Variants in NEU3 observed in about 807,000 individuals in gnomAD.
NEU3 encodes sialidase-3.
NEU3 carries 10 observed loss-of-function variants against 11.4 expected under a neutral mutation model. That is an observed-to-expected ratio of 0.88 (90% confidence interval 0.54 to 1.49). NEU3 has a LOEUF of 1.49. NEU3 is among the 40% of genes most tolerant of loss of function. The probability of loss-of-function intolerance (pLI) is 0.00; values close to 1 mark genes in which losing one functional copy is unlikely to be tolerated. For missense variants in NEU3, 529 were observed against 581.8 expected, an observed-to-expected ratio of 0.91 and a Z score of 0.93; for synonymous variants, 212 against 228.2, an observed-to-expected ratio of 0.93 and a Z score of 0.64.
chr11:75,012,706 C>T (rs1948964104), downstream of NEU3, among the ~76,000 whole-genome samples: 2 of 152,122 alleles, frequency 1.3e-5, no homozygotes, highest in South Asian at 4.2e-4. Flanking sequence ...GCATTTTGAC[C>T]CTCTTTTCCC....
At chr11:74,981,883 A>G in the NEU3 span, among the ~76,000 whole-genome samples, 1 of 152,174 alleles carries the variant, frequency 6.6e-6, no homozygotes, top group Non-Finnish European at 1.5e-5. Flanking sequence ...GAGTCCTGAG[A>G]AAAGTCCTAC....
At chr11:74,995,165 G>A (rs1167032057) in intron 2 of NEU3, 25 of 414,366 alleles carry the variant, frequency 6.0e-5, no homozygotes, top group South Asian at 2.4e-4. Context: ...CAGTTTTGCT[G>A]ATGAGAGATC....
intron 3 of NEU3, among the ~76,000 whole-genome samples, chr11:75,018,382 G>T (rs890929529): frequency 6.6e-6 from 1 of 152,130 alleles, no homozygotes; most frequent in Non-Finnish European, 1.5e-5. Context: ...GAGTCAGTGG[G>T]CTGGGAAAGG....
At chr11:75,016,739 G>T (rs1948982920) in intron 3 of NEU3, among the ~76,000 whole-genome samples, 1 of 152,178 alleles carries the variant, frequency 6.6e-6, no homozygotes, top group South Asian at 2.1e-4. Flanking sequence ...TTATGGCATT[G>T]AAGTGACCCT....
chr11:74,983,899 T>C (rs927792077), upstream of NEU3, among the ~76,000 whole-genome samples: 7 of 152,234 alleles, frequency 4.6e-5, no homozygotes, highest in Non-Finnish European at 8.8e-5. Flanking sequence ...AGGTAGATCC[T>C]GATGGTTTAT....
At chr11:75,004,366 A>C in intron 2 of NEU3, 1 of 627,382 alleles carries the variant, frequency 1.6e-6, no homozygotes, top group Non-Finnish European at 2.8e-6. Flanking sequence ...GCTATTCTAA[A>C]GTGCTGGGAT....
rs79122131 is a variant in NEU3, at chr11:75,005,518, A to T, written c.412A>T (p.Ile138Phe). 6.2e-7 allele frequency: 1 copy of T among 1,613,944 alleles called. No homozygotes were observed. Among genetic ancestry groups the T allele is most frequent in the East Asian group, 2.2e-5 (1 of 44,868 alleles). ...GAGTGGTTGTGTGTTCCTGTTCTTC[A>T]TCTGTGTGCGGGGCCATGTCACAGA... ...QKSGCVFLFFICVRGHVTERQ... is the reference protein window; with the variant it reads ...QKSGCVFLFFFCVRGHVTERQ... Residue 138 changes from isoleucine (I) to phenylalanine (F), a missense_variant, in exon 3 of 3, where the codon ATC becomes TTC. Coordinates refer to ENST00000294064, the MANE Select transcript of NEU3 (RefSeq NM_006656.6).
At chr11:74,990,293 A>G (rs1156746477) in intron 1 of NEU3, 3 of 401,980 alleles carry the variant, frequency 7.5e-6, no homozygotes, top group African/African-American at 2.1e-5. Flanking sequence ...TGGAGCTGAG[A>G]CTTGAATCCA....
chr11:75,005,640 T>C lies in NEU3; in HGVS notation c.534T>C (p.Thr178=). The change falls in exon 3 of 3, where the codon ACT becomes ACC. Residue 178 remains threonine, a synonymous_variant. Coordinates refer to ENST00000294064, the MANE Select transcript of NEU3 (RefSeq NM_006656.6). ...CATGGAGTGAGGTGAGGGACTTGAC[T>C]GAGGAGGTCATTGGCTCAGAGCTGA... ...GCSWSEVRDL[T]EEVIGSELKH... 1 of 1,614,034 alleles carries C rather than the reference T, an allele frequency of 6.2e-7. No homozygotes were observed. Among genetic ancestry groups the C allele is most frequent in the Non-Finnish European group, 8.5e-7 (1 of 1,179,886 alleles).
In NEU3 at chr11:75,010,631, C is replaced by A. The variant is rs944526649; in HGVS notation, c.*4139C>A. The A allele has an allele frequency of 3.3e-5, 5 of 152,196 alleles. No individual in the cohort carries two copies. The highest frequency in any genetic ancestry group is 1.2e-4 in the African/African-American group (5 of 41,446). 9.4% of individuals were successfully genotyped at this position (152,196 alleles called of 1,614,324 possible). A position where few individuals can be genotyped will look rare whatever the true frequency, so the allele number is the denominator to read the frequency against. ...CCCAAGGATCACAGCCCAAAAGGCA[C>A]AGTGGGGAAAATTTATGGCCTATTC... is the stretch of plus-strand genomic sequence containing the variant. On this transcript the variant is annotated 3_prime_UTR_variant, in exon 3 of 3. Coordinates refer to ENST00000294064, the MANE Select transcript of NEU3 (RefSeq NM_006656.6).
downstream of NEU3, among the ~76,000 whole-genome samples, chr11:75,014,359 C>T (rs527627909): frequency 1.2e-4 from 19 of 152,238 alleles, no homozygotes; most frequent in South Asian, 3.7e-3. Context: ...TTTGGGACTA[C>T]AGCCAGTAAC....
chr11:74,981,570 G>C, the NEU3 span, among the ~76,000 whole-genome samples: 4 of 152,184 alleles, frequency 2.6e-5, no homozygotes, highest in African/African-American at 9.7e-5. Context: ...GCCATGGGCA[G>C]CTGGTGCAAA....
chr11:75,000,821 T>G (rs1196328914), intron 2 of NEU3, among the ~76,000 whole-genome samples: 2 of 93,180 alleles, frequency 2.1e-5, no homozygotes, highest in African/African-American at 8.5e-5. Context: ...TTATTTATTG[T>G]AGAAATGGGG....
At chr11:75,013,687 A>G (rs1948969334), downstream of NEU3, among the ~76,000 whole-genome samples, 1 of 152,212 alleles carries the variant, frequency 6.6e-6, no homozygotes, top group African/African-American at 2.4e-5. Context: ...ATATTACAGT[A>G]TAGGAAGAAG....
downstream of NEU3, among the ~76,000 whole-genome samples, chr11:75,013,596 A>C (rs1948968973): frequency 6.6e-6 from 1 of 152,144 alleles, no homozygotes; most frequent in Non-Finnish European, 1.5e-5. Context: ...TGGGTATGGA[A>C]GAGGGAAATC....
downstream of NEU3, among the ~76,000 whole-genome samples, chr11:75,012,621 T>A (rs1948963710): frequency 6.6e-6 from 1 of 152,008 alleles, no homozygotes; most frequent in African/African-American, 2.4e-5. Flanking sequence ...ATGTAATATA[T>A]CAGAAGACAG....
chr11:75,014,983 A>T (rs759634790), downstream of NEU3, among the ~76,000 whole-genome samples: 1 of 152,244 alleles, frequency 6.6e-6, no homozygotes, highest in Non-Finnish European at 1.5e-5. Context: ...TGTTCAAAAC[A>T]TGGGAGCTGC....
downstream of NEU3, among the ~76,000 whole-genome samples, chr11:75,013,041 T>A (rs1348253183): frequency 6.6e-6 from 1 of 152,198 alleles, no homozygotes; most frequent in Non-Finnish European, 1.5e-5. Context: ...TACTAAAGTT[T>A]GATAAACAGT....
downstream of NEU3, among the ~76,000 whole-genome samples, chr11:75,012,483 A>ATG (rs1948962338): frequency 6.6e-6 from 1 of 152,250 alleles, no homozygotes; most frequent in Non-Finnish European, 1.5e-5. Flanking sequence ...ACCATGATGC[A>ATG]GCCTCTTTAA....
Sources: gnomAD v4.1 joint callset for allele counts (sites outside exome capture counted in the v4.1 genomes callset) on GRCh38, gnomAD v4.1.1 for gene constraint, MANE v1.5 for transcripts, NCBI Gene and HGNC (gene_info 2026-07-23, HGNC 2026-07-21) for gene names.